The following GALNT9 variants were observed in gnomAD, a reference collection of about 807,000 sequenced individuals.
GALNT9 encodes the protein GalNAc transferase 9.
In GALNT9, 47 loss-of-function variants were observed where a neutral mutation model predicts 63.1. The observed-to-expected ratio is 0.75, with a 90% CI of 0.59 to 0.95. GALNT9 has a LOEUF of 0.95. Ranked by LOEUF, GALNT9 falls within the 40% of genes least tolerant of loss-of-function variation. GALNT9 has a pLI of 0.00. For missense variants in GALNT9, 829 were observed against 874.8 expected (o/e 0.95, Z 0.66); for synonymous variants, 396 against 365.7 (o/e 1.08, Z -0.94).
Position 132,196,883 on chromosome 12 carries a change from G to T in GALNT9, c.*224C>A. 7.3e-7 allele frequency: 1 copy of T among 1,374,308 alleles called. No homozygotes were observed. Among genetic ancestry groups the T allele is most frequent in the Admixed American group, 3.2e-5 (1 of 31,370 alleles). The allele number at this position is 1,374,308 out of a possible 1,614,324, so 85.1% of individuals were successfully genotyped here. A position where few individuals can be genotyped will look rare whatever the true frequency, so the allele number is the denominator to read the frequency against. On this transcript the variant is annotated 3_prime_UTR_variant, in exon 11 of 11. Coordinates refer to ENST00000328957, the MANE Select transcript of GALNT9 (RefSeq NM_001122636.2). ...TGAGTTGGCATCACTGTCCCCAGAC[G>T]CCCTCCCTCGGGTAGAGCCGCCTGT...
chr12:132,251,392 G>T (rs73469806), intron 5 of GALNT9, among the ~76,000 whole-genome samples: 1 of 152,330 alleles, frequency 6.6e-6, no homozygotes, highest in Admixed American at 6.5e-5. Flanking sequence ...GAAACAGGCC[G>T]GTGCTCTGCG....
intron 7 of GALNT9, among the ~76,000 whole-genome samples, chr12:132,203,117 G>A (rs906605688): frequency 1.3e-5 from 2 of 152,202 alleles, no homozygotes; most frequent in African/African-American, 4.8e-5. Flanking sequence ...GGCTGCCCGG[G>A]GCTGGGGAGG....
rs1347523024 is a variant in GALNT9 at position 132,238,430 on chromosome 12, C to T, written c.1077+9480G>A. 2.0e-5 allele frequency among the ~76,000 whole-genome samples: 3 copies of T among 152,122 alleles called. No homozygotes were observed. Among genetic ancestry groups the T allele is most frequent in the Admixed American group, 6.5e-5 (1 of 15,270 alleles). The stretch of plus-strand genomic sequence containing the variant: ...GCTTCCTGTAAGGGGGAGTGGAGGC[C>T]GGGGCAGCAGCCGCAGGGGCGACAT... On this transcript the variant is annotated intron_variant, in intron 6 of 10. Coordinates refer to ENST00000328957, the MANE Select transcript of GALNT9 (RefSeq NM_001122636.2). The surrounding 1 kb of genome is among the most constrained non-coding windows in gnomAD (Gnocchi z 6.5).
rs1032199542 is a variant in GALNT9, at chr12:132,197,017, T to C, written c.*90A>G. ...GGCCGCACATAGAGCCCTGTCCTGCTGTGTCTGCCGGGCACACCCCGGTCA... is the reference window on the plus strand; with the variant it reads ...GGCCGCACATAGAGCCCTGTCCTGCCGTGTCTGCCGGGCACACCCCGGTCA... On this transcript the variant is annotated 3_prime_UTR_variant, in exon 11 of 11. Coordinates refer to ENST00000328957, the MANE Select transcript of GALNT9 (RefSeq NM_001122636.2). 35 of 1,568,048 alleles carry C rather than the reference T, an allele frequency of 2.2e-5. No homozygotes were observed. Among genetic ancestry groups the C allele is most frequent in the Admixed American group, 3.5e-5 (2 of 57,524 alleles).
At chr12:132,211,049 G>A (rs1013154592) in intron 6 of GALNT9, among the ~76,000 whole-genome samples, 1 of 152,160 alleles carries the variant, frequency 6.6e-6, no homozygotes, top group Admixed American at 6.5e-5. Flanking sequence ...CCACAGAAAG[G>A]GCCCAGTTCT....
At chr12:132,223,046 GACACACC>G (rs1877528481) in intron 6 of GALNT9, among the ~76,000 whole-genome samples, 1 of 29,630 alleles carries the variant, frequency 3.4e-5, no homozygotes, top group African/African-American at 1.3e-4. Context: ...CACACACACA[GACACACC>G]ACACAACCCA....
Position 132,247,532 on chromosome 12 carries a change from C to T in GALNT9, c.1077+378G>A, listed in dbSNP as rs782535170. 43 of 467,388 alleles carry T rather than the reference C, an allele frequency of 9.2e-5. 2 individuals are homozygous for T. The Middle Eastern group carries it at 1.9e-3, about 21-fold the overall frequency. The allele number at this position is 467,388 out of a possible 1,614,324, so 29.0% of individuals were successfully genotyped here. ...CCTAGGCTCTGGAGAGGGCTCAGTG[C>T]GCTGAGCAGGAGCCCTGGACCTCAC... On this transcript the variant is annotated intron_variant, in intron 6 of 10. Coordinates refer to ENST00000328957, the MANE Select transcript of GALNT9 (RefSeq NM_001122636.2).
Position 132,236,499 on chromosome 12 carries a change from G to T in GALNT9, c.1077+11411C>A, listed in dbSNP as rs1266473824. ...AGCTCTGCAAAATCATCACAGACGTGGGGGGATGGCGTCTCTCCCTCCCCC... is the reference window on the plus strand; with the variant it reads ...AGCTCTGCAAAATCATCACAGACGTTGGGGGATGGCGTCTCTCCCTCCCCC... On this transcript the variant is annotated intron_variant, in intron 6 of 10. Coordinates refer to ENST00000328957, the MANE Select transcript of GALNT9 (RefSeq NM_001122636.2). The surrounding 1 kb of genome is among the most constrained non-coding windows in gnomAD (Gnocchi z 5.6). Among the ~76,000 whole-genome samples the T allele has an allele frequency of 2.0e-5, 3 of 151,534 alleles. No individual in the cohort carries two copies. Among genetic ancestry groups the T allele is most frequent in the Admixed American group, 6.6e-5 (1 of 15,240 alleles).
rs1566019015 is a variant in GALNT9, at chr12:132,303,415, GGGCACAGCCTCGCCC to G, written c.239-17000_239-16986del. ...GCCTCGCCCGGGCACACCCTCACCC[GGGCACAGCCTCGCCC>G]GGGCACACCCTCGCCCGGGCACACC... On this transcript the variant is annotated intron_variant, in intron 1 of 10. Coordinates refer to ENST00000328957, the MANE Select transcript of GALNT9 (RefSeq NM_001122636.2). Among the ~76,000 whole-genome samples the G allele has an allele frequency of 1.0e-4, 11 of 108,846 alleles. 1 individual carries two copies. The highest frequency in any genetic ancestry group is 3.1e-4 in the Admixed American group (3 of 9,542). The allele number at this position is 108,846 out of a possible 152,430, so 71.4% of individuals were successfully genotyped here.
At chr12:132,226,545 C>A (rs1473570948) in intron 6 of GALNT9, among the ~76,000 whole-genome samples, 1 of 145,602 alleles carries the variant, frequency 6.9e-6, no homozygotes, top group Non-Finnish European at 1.5e-5. Context: ...AACACACAAC[C>A]CACACCCCAC....
At position 132,203,374 on chromosome 12, in the gene GALNT9, G is replaced by A; in HGVS notation, c.1263+131C>T. ...CCTGCACACACAACTGCTTGCACCT[G>A]TGCACACCTGTCAACACACCCACTC... On this transcript the variant is annotated intron_variant, in intron 7 of 10. Coordinates refer to ENST00000328957, the MANE Select transcript of GALNT9 (RefSeq NM_001122636.2). 2 of 739,410 alleles carry A rather than the reference G, an allele frequency of 2.7e-6. 1 individual carries two copies. The highest frequency in any genetic ancestry group is 3.6e-5 in the South Asian group (2 of 55,040). The allele number at this position is 739,410 out of a possible 1,614,324, so 45.8% of individuals were successfully genotyped here. A position where few individuals can be genotyped will look rare whatever the true frequency, so the allele number is the denominator to read the frequency against.
intron 2 of GALNT9, chr12:132,272,736 C>T (rs1487719741): frequency 1.3e-5 from 2 of 152,282 alleles, no homozygotes; most frequent in African/African-American, 4.8e-5. Context: ...ATTTATCAAA[C>T]ATACATCAAA....
intron 2 of GALNT9, among the ~76,000 whole-genome samples, chr12:132,267,800 C>CTCACACACAT (rs138324682): frequency 1.4e-5 from 2 of 140,020 alleles, no homozygotes; most frequent in Non-Finnish European, 3.0e-5. Flanking sequence ...CGCACTCACA[C>CTCACACACAT]GCACTCACAC....
intron 4 of GALNT9, among the ~76,000 whole-genome samples, chr12:132,259,710 A>G (rs1344755270): frequency 2.0e-5 from 3 of 152,210 alleles, no homozygotes; most frequent in African/African-American, 7.2e-5. Context: ...GGTCACATGC[A>G]GTGGGGTGTC....
chr12:132,304,366 GCCTCACCCGGGCACAC>G (rs1881469450), intron 1 of GALNT9, among the ~76,000 whole-genome samples: 1 of 31,998 alleles, frequency 3.1e-5, no homozygotes, highest in Non-Finnish European at 7.1e-5. Context: ...CCCGGGCACA[GCCTCACCCGGGCACAC>G]CCTCACCGGG....
rs28697242 is a variant in GALNT9 at position 132,252,076 on chromosome 12, T to C, written c.960-4049A>G. On this transcript the variant is annotated intron_variant, in intron 5 of 10. Transcript: ENST00000328957. This position sits in a 1 kb window ranked among gnomAD's most constrained non-coding sequence, Gnocchi z 5.2. Reference sequence around the variant, plus strand: ...ATGAGGATGGTCCCCAGCGTCTGTCTGGGAGAAAGGAGCAGGGGAGCAGGA... The same window carrying C: ...ATGAGGATGGTCCCCAGCGTCTGTCCGGGAGAAAGGAGCAGGGGAGCAGGA... Among the ~76,000 whole-genome samples, 26,175 of 152,134 alleles carry C rather than the reference T, an allele frequency of 0.17. 2,446 individuals are homozygous for C. Among genetic ancestry groups the C allele is most frequent in the Middle Eastern group, 0.29 (86 of 294 alleles).
At chr12:132,295,457 G>C (rs1881022280) in intron 1 of GALNT9, among the ~76,000 whole-genome samples, 1 of 151,850 alleles carries the variant, frequency 6.6e-6, no homozygotes, top group Non-Finnish European at 1.5e-5. Flanking sequence ...AACGGTCTTC[G>C]CTGACGTCAT....
At chr12:132,323,729 T>C (rs1868907755) in intron 1 of GALNT9, among the ~76,000 whole-genome samples, 1 of 152,036 alleles carries the variant, frequency 6.6e-6, no homozygotes, top group African/African-American at 2.4e-5. Flanking sequence ...GGAGTCAGAG[T>C]GGGGGCTCTG....
At chr12:132,284,100 TACACACGCACACATATGC>T (rs2135560278) in intron 2 of GALNT9, 1 of 150,814 alleles carries the variant, frequency 6.6e-6, no homozygotes, top group East Asian at 2.0e-4. Context: ...CACACGCATG[TACACACGCACACATATGC>T]ACACACGCAC....
Sources: allele counts gnomAD v4.1 joint callset (sites outside exome capture counted in the v4.1 genomes callset), GRCh38; gene constraint gnomAD v4.1.1; non-coding constraint Gnocchi (gnomAD v3.1); transcripts MANE v1.5; gene names NCBI Gene and HGNC (gene_info 2026-07-23, HGNC 2026-07-21).